The following ADGRL2 variants were observed in gnomAD, a reference collection of about 807,000 sequenced individuals.
The protein encoded by ADGRL2 is adhesion G protein-coupled receptor L2.
ADGRL2 carries 44 observed loss-of-function variants against 157.4 expected under a neutral mutation model. The ratio of observed to expected loss-of-function variants is 0.28; its 90% CI spans 0.22 to 0.36. The LOEUF is 0.36. Among genes scored for constraint, ADGRL2 ranks in the 10% least tolerant of loss-of-function variants. The probability of loss-of-function intolerance (pLI) is 1.00; values close to 1 mark genes in which losing one functional copy is unlikely to be tolerated. For synonymous variants in ADGRL2, 585 were observed against 624.7 expected (o/e 0.94, Z 0.95); for missense variants, 1,510 against 1,768.9 (o/e 0.85, Z 2.63).
At chr1:81,434,633 G>A (rs1433432114) in intron 1 of ADGRL2, among the ~76,000 whole-genome samples, 2 of 151,978 alleles carry the variant, frequency 1.3e-5, no homozygotes, top group African/African-American at 2.4e-5. Context: ...GAGTGAGGGA[G>A]GATTACAAAC....
At chr1:81,539,028 A>AAAG (rs1553121682) in intron 2 of ADGRL2, among the ~76,000 whole-genome samples, 21 of 144,754 alleles carry the variant, frequency 1.5e-4, no homozygotes, top group Non-Finnish European at 1.5e-4. Flanking sequence ...AAAAAAAAAA[A>AAAG]GACAACATAA....
intron 2 of ADGRL2, among the ~76,000 whole-genome samples, chr1:81,558,377 T>C (rs765007375): frequency 6.6e-6 from 1 of 152,148 alleles, no homozygotes; most frequent in Non-Finnish European, 1.5e-5. Flanking sequence ...TAAAAAAAAA[T>C]TTCTCACATG....
chr1:81,454,646 A>G (rs1488868478), intron 2 of ADGRL2, among the ~76,000 whole-genome samples: 2 of 152,144 alleles, frequency 1.3e-5, no homozygotes, highest in East Asian at 3.9e-4. Context: ...CTTCGTTGAA[A>G]AACACCTGGT....
At chr1:81,809,418 T>C (rs939135753) in intron 1 of ADGRL2, among the ~76,000 whole-genome samples, 1 of 151,944 alleles carries the variant, frequency 6.6e-6, no homozygotes, top group African/African-American at 2.4e-5. Context: ...TTAAATCTGA[T>C]AAAAAAAGAG....
intron 2 of ADGRL2, among the ~76,000 whole-genome samples, chr1:81,489,803 C>G (rs12068181): frequency 0.028 from 4,207 of 152,052 alleles, 205 homozygotes; most frequent in African/African-American, 0.097. Context: ...AGCAGTGGGC[C>G]AATATATTCA....
intron 1 of ADGRL2, among the ~76,000 whole-genome samples, chr1:81,414,807 C>T (rs1197858303): frequency 6.6e-6 from 1 of 152,174 alleles, no homozygotes; most frequent in Non-Finnish European, 1.5e-5. Flanking sequence ...AAGGAGGAGG[C>T]TTATGTTAGG....
chr1:81,566,587 A>G (rs1194486228), intron 2 of ADGRL2, among the ~76,000 whole-genome samples: 2 of 152,154 alleles, frequency 1.3e-5, no homozygotes, highest in African/African-American at 4.8e-5. Context: ...TGAAATCATC[A>G]TATAGGCAAT....
At chr1:81,986,835 T>C (rs1249245698) in intron 21 of ADGRL2, 66 bp from the exon 22 acceptor site, 1 of 1,528,176 alleles carries the variant, frequency 6.5e-7, no homozygotes, top group African/African-American at 1.4e-5. Context: ...ACTACAACTG[T>C]AACACTAAAA....
intron 3 of ADGRL2, among the ~76,000 whole-genome samples, chr1:81,597,122 G>C (rs1570599802): frequency 6.6e-6 from 1 of 152,150 alleles, no homozygotes; most frequent in East Asian, 1.9e-4. Context: ...TGTAACAATA[G>C]GGAAAAGCCA....
At chr1:81,501,984 C>A in intron 2 of ADGRL2, 2 of 1,612,646 alleles carry the variant, frequency 1.2e-6, no homozygotes, top group Middle Eastern at 1.7e-4. Context: ...CCCTTAGGTC[C>A]CTTAGCCAGA....
intron 2 of ADGRL2, among the ~76,000 whole-genome samples, chr1:81,771,243 T>A (rs192987222): frequency 7.2e-5 from 11 of 152,368 alleles, no homozygotes; most frequent in Non-Finnish European, 1.3e-4. Context: ...TGAGTTTTTA[T>A]CTTTAATAAA....
chr1:81,917,904 G>T (rs192054304), intron 3 of ADGRL2, among the ~76,000 whole-genome samples: 1 of 152,184 alleles, frequency 6.6e-6, no homozygotes, highest in African/African-American at 2.4e-5. Context: ...CACTTGCGTG[G>T]GTCTCTTCTA....
At chr1:81,628,900 A>G (rs550162920) in intron 3 of ADGRL2, among the ~76,000 whole-genome samples, 1 of 152,372 alleles carries the variant, frequency 6.6e-6, no homozygotes, top group East Asian at 1.9e-4. Flanking sequence ...GACAAGAAAT[A>G]ATGTGATTTA....
chr1:81,959,408 T>C (rs1192479948), intron 11 of ADGRL2, among the ~76,000 whole-genome samples: 1 of 152,194 alleles, frequency 6.6e-6, no homozygotes, highest in African/African-American at 2.4e-5. Flanking sequence ...TGTAAGTCTT[T>C]TTGTCAGAAA....
chr1:81,678,697 A>G (rs1325702597), intron 3 of ADGRL2, among the ~76,000 whole-genome samples: 1 of 152,204 alleles, frequency 6.6e-6, no homozygotes. Context: ...CGCATTAAGC[A>G]TGCTCTGTAT....
chr1:81,740,658 G>A (rs901985955), intron 1 of ADGRL2, among the ~76,000 whole-genome samples: 1 of 152,120 alleles, frequency 6.6e-6, no homozygotes, highest in African/African-American at 2.4e-5. Context: ...CTTACTGTTT[G>A]TGCTATATAG....
chr1:81,453,725 G>A (rs1352257389), intron 2 of ADGRL2, among the ~76,000 whole-genome samples: 1 of 152,146 alleles, frequency 6.6e-6, no homozygotes, highest in Non-Finnish European at 1.5e-5. Context: ...GGCAGCAAAT[G>A]ATAAAAAGTC....
intron 3 of ADGRL2, among the ~76,000 whole-genome samples, chr1:81,935,147 G>A (rs1045595944): frequency 2.0e-5 from 3 of 151,824 alleles, no homozygotes; most frequent in African/African-American, 7.2e-5. Context: ...AAAATAATTC[G>A]TTTACACTAA....
At chr1:81,563,955 G>C (rs923703189) in intron 2 of ADGRL2, among the ~76,000 whole-genome samples, 24 of 152,166 alleles carry the variant, frequency 1.6e-4, no homozygotes, top group Non-Finnish European at 3.1e-4. Context: ...CTATAAGGTA[G>C]TTTAGTGTAG....
Sources: allele counts gnomAD v4.1 joint callset (sites outside exome capture counted in the v4.1 genomes callset), GRCh38; gene constraint gnomAD v4.1.1; transcripts MANE v1.5; gene names NCBI Gene and HGNC (gene_info 2026-07-23, HGNC 2026-07-21).